ROBO2: variants seen among roughly 807,000 people sequenced by gnomAD.
ROBO2 encodes the protein roundabout guidance receptor 2, also known as roundabout homolog 2.
A neutral mutation model predicts 160.8 loss-of-function variants in ROBO2; 53 were observed. The observed-to-expected ratio is 0.33, with a 90% CI of 0.26 to 0.41. ROBO2 has a LOEUF of 0.41. Among genes scored for constraint, ROBO2 ranks in the 10% least tolerant of loss-of-function variants. The pLI, the probability that ROBO2 is intolerant of heterozygous loss-of-function variation, is 1.00. For synonymous variants in ROBO2, 664 were observed against 611.7 expected, an observed-to-expected ratio of 1.09 and a Z score of -1.26; for missense variants, 1,577 against 1,722.4, an observed-to-expected ratio of 0.92 and a Z score of 1.49.
intron 2 of ROBO2, among the ~76,000 whole-genome samples, chr3:77,451,947 G>T (rs1351906864): frequency 6.6e-6 from 1 of 151,882 alleles, no homozygotes; most frequent in Non-Finnish European, 1.5e-5. Flanking sequence ...AGGCCCCAGT[G>T]TGTGATGTTC....
At chr3:76,493,070 A>G (rs2079922440) in intron 2 of ROBO2, among the ~76,000 whole-genome samples, 1 of 152,032 alleles carries the variant, frequency 6.6e-6, no homozygotes, top group Admixed American at 6.5e-5. Flanking sequence ...ATGAAATAGA[A>G]TGACATGTTT....
At chr3:77,333,308 A>C (rs1255166521) in intron 2 of ROBO2, among the ~76,000 whole-genome samples, 1 of 152,182 alleles carries the variant, frequency 6.6e-6, no homozygotes, top group Non-Finnish European at 1.5e-5. Context: ...AAATTTCCTC[A>C]GACATTACTT....
At chr3:76,015,398 A>G (rs1370270493) in intron 2 of ROBO2, among the ~76,000 whole-genome samples, 1 of 152,216 alleles carries the variant, frequency 6.6e-6, no homozygotes, top group East Asian at 1.9e-4. Context: ...AATTGAAAAA[A>G]ACAGATATCC....
At chr3:76,480,928 A>G (rs1269886397) in intron 2 of ROBO2, among the ~76,000 whole-genome samples, 2 of 152,188 alleles carry the variant, frequency 1.3e-5, no homozygotes. Context: ...TTTTTGATTC[A>G]GGGGATATGG....
chr3:77,243,972 T>C (rs1227593146), intron 2 of ROBO2, among the ~76,000 whole-genome samples: 2 of 152,190 alleles, frequency 1.3e-5, no homozygotes, highest in African/African-American at 2.4e-5. Flanking sequence ...TTTCATAGTA[T>C]AGGATGTACA....
chr3:76,680,652 C>T lies in ROBO2; in HGVS notation c.110-417362C>T, dbSNP rs375156965. 1.2e-4 allele frequency among the ~76,000 whole-genome samples: 19 copies of T among 152,096 alleles called. No homozygotes were observed. In the South Asian group the frequency reaches 3.9e-3, roughly 32 times the overall value. On this transcript the variant is annotated intron_variant, in intron 2 of 26. Coordinates refer to the ROBO2 transcript ENST00000487694. Reference sequence around the variant, plus strand: ...TGTGTGATATAGATTTTTTTCTATTCACTCCTTTAGTTTTAAAATCCTAAG... The same window carrying T: ...TGTGTGATATAGATTTTTTTCTATTTACTCCTTTAGTTTTAAAATCCTAAG...
intron 1 of ROBO2, among the ~76,000 whole-genome samples, chr3:77,056,379 C>A (rs942838865): frequency 1.3e-5 from 2 of 152,104 alleles, no homozygotes; most frequent in Admixed American, 6.6e-5. Context: ...TAGGATTAGA[C>A]AACAAATTAA....
chr3:77,519,018 A>T (rs2153624714), intron 5 of ROBO2, among the ~76,000 whole-genome samples: 1 of 151,644 alleles, frequency 6.6e-6, no homozygotes, highest in Admixed American at 6.6e-5. Flanking sequence ...AGGTAGAAAA[A>T]AAATAGATTT....
At chr3:77,396,149 C>T (rs533313338) in intron 2 of ROBO2, among the ~76,000 whole-genome samples, 1 of 151,544 alleles carries the variant, frequency 6.6e-6, no homozygotes, top group African/African-American at 2.4e-5. Flanking sequence ...TATTATCTCA[C>T]CTCCTATTTG....
intron 2 of ROBO2, among the ~76,000 whole-genome samples, chr3:77,436,889 A>G (rs569322444): frequency 1.3e-5 from 2 of 152,124 alleles, no homozygotes; most frequent in African/African-American, 4.8e-5. Context: ...GCAGCTATGC[A>G]ATAAACCATA....
chr3:76,097,500 A>G (rs1422578240), intron 2 of ROBO2, among the ~76,000 whole-genome samples: 1 of 152,162 alleles, frequency 6.6e-6, no homozygotes. Flanking sequence ...AGCTAAATCT[A>G]AGGAGACTAA....
chr3:76,879,327 A>G (rs1211739157), intron 2 of ROBO2, among the ~76,000 whole-genome samples: 2 of 152,036 alleles, frequency 1.3e-5, no homozygotes, highest in Non-Finnish European at 2.9e-5. Context: ...AGATTTTCCA[A>G]CTTAGTAGGT....
At chr3:76,504,721 G>T (rs1340221187) in intron 2 of ROBO2, among the ~76,000 whole-genome samples, 1 of 151,628 alleles carries the variant, frequency 6.6e-6, no homozygotes. Flanking sequence ...GTAGAGACGG[G>T]GTTTCACCGT....
intron 2 of ROBO2, among the ~76,000 whole-genome samples, chr3:76,536,950 G>C (rs369248288): frequency 1.3e-5 from 2 of 152,196 alleles, no homozygotes; most frequent in East Asian, 1.9e-4. Flanking sequence ...TTGGGCAGGT[G>C]GGGGAGAGCT....
chr3:77,610,953 C>T (rs998146405), intron 21 of ROBO2, among the ~76,000 whole-genome samples: 1 of 151,878 alleles, frequency 6.6e-6, no homozygotes, highest in African/African-American at 2.4e-5. Context: ...AACTGCTTGT[C>T]TGTGCCCTTT....
chr3:76,589,748 A>G (rs2086294535), intron 2 of ROBO2, among the ~76,000 whole-genome samples: 1 of 152,192 alleles, frequency 6.6e-6, no homozygotes, highest in Non-Finnish European at 1.5e-5. Context: ...GACTCTATTC[A>G]GTAATAAATC....
At chr3:76,587,474 C>A (rs2086120190) in intron 2 of ROBO2, among the ~76,000 whole-genome samples, 1 of 152,108 alleles carries the variant, frequency 6.6e-6, no homozygotes, top group African/African-American at 2.4e-5. Flanking sequence ...GCAAACGCAC[C>A]TTCCTCACAT....
intron 2 of ROBO2, among the ~76,000 whole-genome samples, chr3:77,453,529 T>C (rs2081320521): frequency 6.6e-6 from 1 of 152,152 alleles, no homozygotes; most frequent in South Asian, 2.1e-4. Flanking sequence ...TCTACTCTGA[T>C]TTCCTCAATT....
intron 2 of ROBO2, among the ~76,000 whole-genome samples, chr3:76,998,394 T>C (rs1349214202): frequency 1.3e-5 from 2 of 152,104 alleles, no homozygotes; most frequent in Non-Finnish European, 2.9e-5. Context: ...TCAAGAAATA[T>C]GGACCAAAAA....
Sources: gnomAD v4.1 joint callset for allele counts (sites outside exome capture counted in the v4.1 genomes callset) on GRCh38, gnomAD v4.1.1 for gene constraint, MANE v1.5 for transcripts, NCBI Gene and HGNC (gene_info 2026-07-23, HGNC 2026-07-21) for gene names.